The following GRM3 variants were observed in gnomAD, a reference collection of about 807,000 sequenced individuals.
The protein encoded by GRM3 is metabotropic glutamate receptor 3.
GRM3 carries 26 observed loss-of-function variants against 70.5 expected under a neutral mutation model. That is an observed-to-expected ratio of 0.37 (90% CI 0.27 to 0.51). The LOEUF (loss-of-function observed/expected upper bound fraction) is 0.51, where lower values mean the gene tolerates loss of function less well. GRM3 is among the 20% of genes least tolerant of loss of function. The pLI, the probability that GRM3 is intolerant of heterozygous loss-of-function variation, is 0.93. For missense variants in GRM3, 859 were observed against 1,123.8 expected (o/e 0.76, Z 3.37); for synonymous variants, 443 against 434.9 (o/e 1.02, Z -0.23).
rs1442587227 is a variant in GRM3, at chr7:86,839,184, C to T, written c.1670C>T (p.Ala557Val). Reference protein sequence around the residue: ...MDCGSGQWPTADLTGCYDLPE... With the variant: ...MDCGSGQWPTVDLTGCYDLPE... ...TGTGGGTCTGGACAGTGGCCCACTG[C>T]AGACCTAACTGGATGCTATGACCTT... The change falls in exon 4 of 6, where the codon GCA (alanine) becomes GTA (valine). Residue 557 changes from alanine (A) to valine (V), a missense_variant. Ala to Val is a moderately conservative substitution (Grantham distance 64, BLOSUM62 0). Coordinates refer to ENST00000361669, the MANE Select transcript of GRM3 (RefSeq NM_000840.3). This position sits in a 1 kb window ranked among gnomAD's most constrained non-coding sequence, Gnocchi z 4.5. 2 of 1,613,300 alleles carry T rather than the reference C, an allele frequency of 1.2e-6. No homozygotes were observed. Among genetic ancestry groups the T allele is most frequent in the Non-Finnish European group, 1.7e-6 (2 of 1,179,222 alleles).
intron 1 of GRM3, among the ~76,000 whole-genome samples, chr7:86,675,427 A>G (rs931098858): frequency 2.0e-5 from 3 of 152,086 alleles, no homozygotes. Context: ...AGAAATTAAA[A>G]CACAAGTAAT....
intron 3 of GRM3, among the ~76,000 whole-genome samples, chr7:86,794,082 A>T (rs1006297417): frequency 9.2e-5 from 14 of 152,122 alleles, no homozygotes; most frequent in African/African-American, 2.6e-4. Flanking sequence ...ATTTTTTTTT[A>T]AATGTAACTA....
intron 3 of GRM3, among the ~76,000 whole-genome samples, chr7:86,822,460 G>T (rs1035061753): frequency 2.0e-5 from 3 of 152,104 alleles, no homozygotes; most frequent in Non-Finnish European, 4.4e-5. Context: ...GGCCTTGAAG[G>T]ATGTGAGTGA....
chr7:86,785,908 G>A (rs1490636548), intron 2 of GRM3: 1 of 169,930 alleles, frequency 5.9e-6, no homozygotes, highest in Non-Finnish European at 1.3e-5. Flanking sequence ...CATTGCTTGA[G>A]CTATATATAG....
At chr7:86,784,496 C>T (rs1797172349) in intron 2 of GRM3, 2 of 152,178 alleles carry the variant, frequency 1.3e-5, no homozygotes, top group Non-Finnish European at 1.5e-5. Context: ...ATCACCAAGC[C>T]TTCCATAGTG....
At chr7:86,671,835 T>A (rs1794180394) in intron 1 of GRM3, among the ~76,000 whole-genome samples, 1 of 152,184 alleles carries the variant, frequency 6.6e-6, no homozygotes, top group South Asian at 2.1e-4. Flanking sequence ...ATACTTCTAC[T>A]GGGACCCTTA....
chr7:86,685,633 A>G (rs1794545432), intron 1 of GRM3, among the ~76,000 whole-genome samples: 1 of 152,160 alleles, frequency 6.6e-6, no homozygotes, highest in South Asian at 2.1e-4. Flanking sequence ...GGGGCCGGGC[A>G]CGGTGGCTCA....
intron 2 of GRM3, among the ~76,000 whole-genome samples, chr7:86,772,823 T>G (rs947494298): frequency 3.9e-5 from 6 of 151,928 alleles, no homozygotes; most frequent in African/African-American, 1.5e-4. Context: ...ATTTAGGGAG[T>G]TTAGTACTGC....
chr7:86,823,685 C>CA (rs1554365341), intron 3 of GRM3, among the ~76,000 whole-genome samples: 11 of 147,558 alleles, frequency 7.5e-5, no homozygotes, highest in African/African-American at 2.8e-4. Flanking sequence ...TTTCTTTTCC[C>CA]GGGTTCTAAA....
intron 1 of GRM3, among the ~76,000 whole-genome samples, chr7:86,735,223 T>G (rs1434613656): frequency 1.3e-5 from 2 of 152,158 alleles, no homozygotes; most frequent in African/African-American, 4.8e-5. Context: ...CAGCCTTCAG[T>G]CCTAACTTAT....
At chr7:86,683,141 T>C (rs1272458454) in intron 1 of GRM3, among the ~76,000 whole-genome samples, 1 of 152,076 alleles carries the variant, frequency 6.6e-6, no homozygotes, top group Non-Finnish European at 1.5e-5. Context: ...ATAATGGCCA[T>C]GAAAATTTAT....
At chr7:86,834,264 G>A (rs1798412483) in intron 3 of GRM3, among the ~76,000 whole-genome samples, 1 of 152,160 alleles carries the variant, frequency 6.6e-6, no homozygotes, top group East Asian at 1.9e-4. Context: ...TTTCAATAAT[G>A]TTTACTCTCC....
intron 3 of GRM3, among the ~76,000 whole-genome samples, chr7:86,804,708 G>T (rs991824254): frequency 6.6e-6 from 1 of 152,190 alleles, no homozygotes; most frequent in African/African-American, 2.4e-5. Flanking sequence ...ACTGCACCTG[G>T]CCCAGATATG....
chr7:86,686,200 C>T (rs1794563268), intron 1 of GRM3, among the ~76,000 whole-genome samples: 2 of 152,142 alleles, frequency 1.3e-5, no homozygotes, highest in South Asian at 4.1e-4. Context: ...TAAAGGAAGA[C>T]ATATGCTTTC....
intron 1 of GRM3, among the ~76,000 whole-genome samples, chr7:86,652,583 C>T (rs1793635013): frequency 6.6e-6 from 1 of 152,154 alleles, no homozygotes; most frequent in African/African-American, 2.4e-5. Context: ...CCCACCTTGG[C>T]CTCGAAAAGT....
chr7:86,718,309 A>T (rs1795370372), intron 1 of GRM3, among the ~76,000 whole-genome samples: 1 of 151,954 alleles, frequency 6.6e-6, no homozygotes, highest in Non-Finnish European at 1.5e-5. Context: ...GAATGTAAAG[A>T]CCTAGTCAAT....
At chr7:86,689,238 T>C (rs1794640638) in intron 1 of GRM3, among the ~76,000 whole-genome samples, 1 of 151,750 alleles carries the variant, frequency 6.6e-6, no homozygotes, top group Non-Finnish European at 1.5e-5. Flanking sequence ...AATGAATAAA[T>C]AGGAAGCTAC....
chr7:86,829,691 G>T (rs1259191005), intron 3 of GRM3, among the ~76,000 whole-genome samples: 2 of 152,136 alleles, frequency 1.3e-5, no homozygotes, highest in African/African-American at 4.8e-5. Context: ...ATCACCATCT[G>T]ACCTGGGTAC....
chr7:86,729,732 C>G (rs1301970145), intron 1 of GRM3, among the ~76,000 whole-genome samples: 1 of 152,138 alleles, frequency 6.6e-6, no homozygotes, highest in Non-Finnish European at 1.5e-5. Flanking sequence ...GAAAAAAAGT[C>G]CCATATTTCT....
Sources: gnomAD v4.1 joint callset for allele counts (sites outside exome capture counted in the v4.1 genomes callset) on GRCh38, gnomAD v4.1.1 for gene constraint, Gnocchi (gnomAD v3.1) non-coding constraint, MANE v1.5 for transcripts, NCBI Gene and HGNC (gene_info 2026-07-23, HGNC 2026-07-21) for gene names.